Variants in HNF4G observed in about 807,000 individuals in gnomAD.
HNF4G encodes hepatocyte nuclear factor 4-gamma.
In HNF4G, 21 loss-of-function variants were observed where a neutral mutation model predicts 50.9. The observed-to-expected ratio is 0.41, with a 90% confidence interval of 0.29 to 0.59. The LOEUF (loss-of-function observed/expected upper bound fraction) is 0.59, where lower values mean the gene tolerates loss of function less well. HNF4G is among the 20% of genes least tolerant of loss of function. The pLI, the probability that HNF4G is intolerant of heterozygous loss-of-function variation, is 0.26. For synonymous variants in HNF4G, 198 were observed against 185.6 expected (o/e 1.07, Z -0.54); for missense variants, 527 against 559.4 (o/e 0.94, Z 0.58).
intron 1 of HNF4G, among the ~76,000 whole-genome samples, chr8:75,430,309 T>G (rs781667236): frequency 2.6e-5 from 4 of 152,174 alleles, no homozygotes; most frequent in Non-Finnish European, 2.9e-5. Flanking sequence ...AGTTCTTCAC[T>G]GCATACAGCC....
chr8:75,557,612 A>G (rs1807171152), intron 6 of HNF4G, among the ~76,000 whole-genome samples: 2 of 152,084 alleles, frequency 1.3e-5, no homozygotes, highest in Non-Finnish European at 2.9e-5. Context: ...TAGAGACTCC[A>G]TCTAAAAACA....
In HNF4G at chr8:75,469,097, C is replaced by G. The variant is rs930630075; in HGVS notation, c.-143-20992C>G. On this transcript the variant is annotated intron_variant, in intron 1 of 10. Transcript: ENST00000354370. ...TCTGAATGAGTTAAATGGCAGGCTTCTGATTTGGCTTCAGGTCTGAGGTGC... is the reference window on the plus strand; with the variant it reads ...TCTGAATGAGTTAAATGGCAGGCTTGTGATTTGGCTTCAGGTCTGAGGTGC... Among the ~76,000 whole-genome samples, 11 of 152,284 alleles carry G rather than the reference C, an allele frequency of 7.2e-5. No homozygotes were observed. The East Asian group carries it at 2.1e-3, about 29-fold the overall frequency.
chr8:75,494,294 C>T (rs1391726732), intron 2 of HNF4G, among the ~76,000 whole-genome samples: 1 of 131,770 alleles, frequency 7.6e-6, no homozygotes, highest in Non-Finnish European at 1.6e-5. Flanking sequence ...ACTGCTCTCC[C>T]ATACAGCACA....
At chr8:75,547,774 G>T in intron 3 of HNF4G, 93 bp downstream of exon 3, 1 of 806,134 alleles carries the variant, frequency 1.2e-6, no homozygotes, top group South Asian at 1.5e-5. Flanking sequence ...TTTTACATGA[G>T]TTCTAATTTT....
intron 1 of HNF4G, among the ~76,000 whole-genome samples, chr8:75,467,987 A>G (rs1230099083): frequency 6.6e-6 from 1 of 152,120 alleles, no homozygotes; most frequent in East Asian, 1.9e-4. Flanking sequence ...GTTATAAATG[A>G]TATCGTCATA....
intron 1 of HNF4G, among the ~76,000 whole-genome samples, chr8:75,540,851 ATGTGTGTGTGTGTGTG>A (rs56799230): frequency 6.8e-6 from 1 of 146,374 alleles, no homozygotes; most frequent in East Asian, 2.0e-4. Flanking sequence ...GAAAATGTGT[ATGTGTGTGTGTGTGTG>A]TGTGTGTGTG....
At chr8:75,478,222 G>A (rs1812287481) in intron 1 of HNF4G, among the ~76,000 whole-genome samples, 1 of 152,088 alleles carries the variant, frequency 6.6e-6, no homozygotes, top group South Asian at 2.1e-4. Flanking sequence ...GTTGAGGTGG[G>A]AGGATCGCTT....
At chr8:75,479,166 T>C (rs771254993) in intron 1 of HNF4G, among the ~76,000 whole-genome samples, 1 of 152,208 alleles carries the variant, frequency 6.6e-6, no homozygotes, top group African/African-American at 2.4e-5. Context: ...TATTAAGAGA[T>C]AGATTGGCCT....
intron 1 of HNF4G, among the ~76,000 whole-genome samples, chr8:75,454,052 T>TCC (rs767523215): frequency 5.6e-5 from 8 of 143,660 alleles, no homozygotes; most frequent in South Asian, 2.3e-4. Context: ...TCTCTCTCTC[T>TCC]CCCTCCCTCC....
intron 1 of HNF4G, among the ~76,000 whole-genome samples, chr8:75,448,273 G>A (rs1290231786): frequency 8.0e-6 from 1 of 124,398 alleles, no homozygotes; most frequent in Non-Finnish European, 1.7e-5. Flanking sequence ...CCACACTCTG[G>A]GGACTGTGGT....
chr8:75,510,758 C>A (rs1456513501), intron 2 of HNF4G, among the ~76,000 whole-genome samples: 2 of 151,972 alleles, frequency 1.3e-5, no homozygotes, highest in East Asian at 3.9e-4. Context: ...AATGAAATTG[C>A]CTAACAATGC....
chr8:75,412,888 A>G (rs992418871), intron 1 of HNF4G, among the ~76,000 whole-genome samples: 8 of 152,188 alleles, frequency 5.3e-5, no homozygotes, highest in African/African-American at 1.9e-4. Context: ...GACAAACATA[A>G]GGTGACACTA....
At chr8:75,544,792 T>G (rs2130790383) in intron 2 of HNF4G, among the ~76,000 whole-genome samples, 1 of 152,212 alleles carries the variant, frequency 6.6e-6, no homozygotes, top group East Asian at 1.9e-4. Flanking sequence ...ATGGTTAAAT[T>G]TAACATAAAA....
chr8:75,480,717 CTTTCTTTT>C (rs1350818167), intron 1 of HNF4G, among the ~76,000 whole-genome samples: 3 of 123,920 alleles, frequency 2.4e-5, no homozygotes, highest in Non-Finnish European at 4.9e-5. Context: ...TTTTCTTTTT[CTTTCTTTT>C]TTTTTTTTTT....
intron 6 of HNF4G, 129 bp downstream of exon 6, chr8:75,556,198 T>TA: frequency 6.5e-6 from 3 of 458,638 alleles, no homozygotes; most frequent in Non-Finnish European, 1.2e-5. Flanking sequence ...TTCACAGGTT[T>TA]AATTTAATTG....
chr8:75,433,381 T>C (rs546536266), intron 1 of HNF4G, among the ~76,000 whole-genome samples: 40 of 140,124 alleles, frequency 2.9e-4, no homozygotes, highest in African/African-American at 1.0e-3. Context: ...CACCACAGCC[T>C]GGGTGACGAG....
intron 2 of HNF4G, among the ~76,000 whole-genome samples, chr8:75,496,077 CA>C (rs1393546010): frequency 6.6e-6 from 1 of 151,834 alleles, no homozygotes; most frequent in East Asian, 1.9e-4. Flanking sequence ...AAAGTAATAT[CA>C]AAACTAATAT....
At chr8:75,442,566 T>C (rs1811313225) in intron 1 of HNF4G, among the ~76,000 whole-genome samples, 1 of 151,860 alleles carries the variant, frequency 6.6e-6, no homozygotes, top group Admixed American at 6.6e-5. Flanking sequence ...GAGAGAGACC[T>C]GGTCTCAATT....
intron 1 of HNF4G, among the ~76,000 whole-genome samples, chr8:75,426,597 T>C (rs1401440616): frequency 6.6e-6 from 1 of 152,236 alleles, no homozygotes; most frequent in Non-Finnish European, 1.5e-5. Context: ...ATAGCCACTG[T>C]TTTAACCTTA....
Sources: gnomAD v4.1 joint callset for allele counts (sites outside exome capture counted in the v4.1 genomes callset) on GRCh38, gnomAD v4.1.1 for gene constraint, MANE v1.5 for transcripts, NCBI Gene and HGNC (gene_info 2026-07-23, HGNC 2026-07-21) for gene names.